The following ARHGAP24 variants were observed in gnomAD, a reference collection of about 807,000 sequenced individuals.
The protein encoded by ARHGAP24 is Rho GTPase activating protein 24.
ARHGAP24 carries 50 observed loss-of-function variants against 76.4 expected under a neutral mutation model. The observed-to-expected ratio is 0.65, with a 90% CI of 0.52 to 0.83. The LOEUF (loss-of-function observed/expected upper bound fraction) is 0.83. Ranked by LOEUF, ARHGAP24 falls within the 40% of genes least tolerant of loss-of-function variation. ARHGAP24 has a pLI of 0.00. For synonymous variants in ARHGAP24, 345 were observed against 323.3 expected (o/e 1.07, Z -0.72); for missense variants, 930 against 914.2 (o/e 1.02, Z -0.22).
intron 4 of ARHGAP24, among the ~76,000 whole-genome samples, chr4:85,932,590 T>G (rs2148818207): frequency 6.6e-6 from 1 of 152,290 alleles, no homozygotes; most frequent in South Asian, 2.1e-4. Context: ...GACTGGCAAA[T>G]GGCCAACACT....
intron 2 of ARHGAP24, among the ~76,000 whole-genome samples, chr4:85,658,409 T>TA (rs1306877559): frequency 6.6e-6 from 1 of 152,196 alleles, no homozygotes; most frequent in Non-Finnish European, 1.5e-5. Context: ...ACCTTTTGCT[T>TA]AAAAAATTGC....
At chr4:85,504,267 A>G (rs1333176978) in intron 1 of ARHGAP24, among the ~76,000 whole-genome samples, 1 of 152,168 alleles carries the variant, frequency 6.6e-6, no homozygotes, top group Non-Finnish European at 1.5e-5. Context: ...AGTCCTGGAT[A>G]TCCTTGTTAA....
At chr4:85,628,378 G>C (rs572619491) in intron 2 of ARHGAP24, among the ~76,000 whole-genome samples, 2 of 152,098 alleles carry the variant, frequency 1.3e-5, no homozygotes, top group Non-Finnish European at 2.9e-5. Flanking sequence ...TCTTAAATTT[G>C]TTGTCTCAAT....
intron 3 of ARHGAP24, among the ~76,000 whole-genome samples, chr4:85,884,943 ATGGTAAAAATGGGTT>A (rs1201662399): frequency 6.6e-6 from 1 of 152,184 alleles, no homozygotes; most frequent in Non-Finnish European, 1.5e-5. Context: ...ACAGTTATAT[ATGGTAAAAATGGGTT>A]TGGAAAATTT....
intron 2 of ARHGAP24, among the ~76,000 whole-genome samples, chr4:85,713,152 G>A (rs1050166138): frequency 1.3e-5 from 2 of 152,000 alleles, no homozygotes; most frequent in Non-Finnish European, 2.9e-5. Flanking sequence ...TTAAAAATTA[G>A]CCAGGCGTGG....
intron 2 of ARHGAP24, among the ~76,000 whole-genome samples, chr4:85,705,916 A>G (rs1030342621): frequency 1.4e-5 from 2 of 139,702 alleles, no homozygotes; most frequent in African/African-American, 5.8e-5. Context: ...TTTTCTTAAC[A>G]GATGAATAAA....
intron 1 of ARHGAP24, among the ~76,000 whole-genome samples, chr4:85,544,790 A>T (rs1982701): frequency 0.12 from 18,755 of 152,106 alleles, 3,264 homozygotes; most frequent in African/African-American, 0.39. Flanking sequence ...TAGTCCTTAC[A>T]ATTGTTACAA....
Position 85,802,197 on chromosome 4 carries a change from G to A in ARHGAP24, c.268+80225G>A, listed in dbSNP as rs535576064. Among the ~76,000 whole-genome samples the A allele has an allele frequency of 9.2e-5, 14 of 152,136 alleles. No individual in the cohort carries two copies. In the South Asian group the frequency reaches 1.9e-3, roughly 20 times the overall value. On this transcript the variant is annotated intron_variant, in intron 3 of 9. Transcript: ENST00000395184. ...ATATGACCACCAGTTGCTATGTAGC[G>A]CTAACCAAACGACTTTACCTCTCAT... is the stretch of plus-strand genomic sequence containing the variant.
At chr4:85,811,966 AG>A (rs1696956715) in intron 3 of ARHGAP24, among the ~76,000 whole-genome samples, 1 of 152,174 alleles carries the variant, frequency 6.6e-6, no homozygotes. Context: ...ACCTAAGGTC[AG>A]GAGTTTGAGA....
At chr4:85,825,117 AAAAAG>A (rs752552974) in intron 3 of ARHGAP24, among the ~76,000 whole-genome samples, 12 of 152,160 alleles carry the variant, frequency 7.9e-5, no homozygotes, top group African/African-American at 1.9e-4. Flanking sequence ...CAAAACAAAA[AAAAAG>A]AAAAGAAAAG....
At chr4:85,553,335 C>T (rs552001309) in intron 1 of ARHGAP24, among the ~76,000 whole-genome samples, 2 of 152,198 alleles carry the variant, frequency 1.3e-5, no homozygotes, top group East Asian at 3.9e-4. Flanking sequence ...GCTTTTATTC[C>T]CTTATTTGGC....
intron 5 of ARHGAP24, among the ~76,000 whole-genome samples, chr4:85,961,944 T>C (rs1027548514): frequency 6.6e-5 from 10 of 152,126 alleles, no homozygotes; most frequent in Non-Finnish European, 1.3e-4. Flanking sequence ...TTCCTTTGTT[T>C]CTTCTGAAAC....
At chr4:85,483,105 C>A (rs1366593694) in intron 1 of ARHGAP24, among the ~76,000 whole-genome samples, 1 of 152,056 alleles carries the variant, frequency 6.6e-6, no homozygotes, top group African/African-American at 2.4e-5. Context: ...GTGAGCAATG[C>A]ATGAAAAGAC....
intron 1 of ARHGAP24, among the ~76,000 whole-genome samples, chr4:85,524,207 C>T (rs1197512052): frequency 6.6e-6 from 1 of 152,106 alleles, no homozygotes; most frequent in Non-Finnish European, 1.5e-5. Context: ...GATACCCCTC[C>T]TCCAACCCCA....
Position 85,931,510 on chromosome 4 carries a change from A to C in ARHGAP24, c.391+7740A>C, listed in dbSNP as rs576582527. On this transcript the variant is annotated intron_variant, in intron 4 of 9. Transcript: ENST00000395184. ...TTGAGAAAAATTTGATAATCGAATT[A>C]TTCGTGCTGACCCATTTTCAAGAGG... Among the ~76,000 whole-genome samples the C allele has an allele frequency of 3.3e-5, 5 of 152,318 alleles. No individual in the cohort carries two copies. In the East Asian group the frequency reaches 9.6e-4, roughly 29 times the overall value.
At chr4:85,758,752 T>C (rs1726623333) in intron 3 of ARHGAP24, among the ~76,000 whole-genome samples, 1 of 151,602 alleles carries the variant, frequency 6.6e-6, no homozygotes, top group Non-Finnish European at 1.5e-5. Flanking sequence ...AAGAGAAGAG[T>C]GGTTCAAATC....
chr4:85,603,253 G>A (rs1424623169), intron 2 of ARHGAP24, among the ~76,000 whole-genome samples: 1 of 152,140 alleles, frequency 6.6e-6, no homozygotes, highest in African/African-American at 2.4e-5. Flanking sequence ...TATTTGAAGT[G>A]CTGACTATTT....
At chr4:85,979,882 T>A (rs1368099749) in intron 8 of ARHGAP24, among the ~76,000 whole-genome samples, 1 of 152,254 alleles carries the variant, frequency 6.6e-6, no homozygotes, top group Non-Finnish European at 1.5e-5. Context: ...AGTCATGTAT[T>A]AAAATCAATT....
At chr4:85,796,322 AAC>A (rs1318059934) in intron 3 of ARHGAP24, among the ~76,000 whole-genome samples, 1 of 151,854 alleles carries the variant, frequency 6.6e-6, no homozygotes, top group South Asian at 2.1e-4. Flanking sequence ...AATTTTTGTT[AAC>A]AGTGTTTGAA....
Sources: allele counts gnomAD v4.1 joint callset (sites outside exome capture counted in the v4.1 genomes callset), GRCh38; gene constraint gnomAD v4.1.1; transcripts MANE v1.5; gene names NCBI Gene and HGNC (gene_info 2026-07-23, HGNC 2026-07-21).